The following C6orf132 variants were observed in gnomAD, a reference collection of about 807,000 sequenced individuals.
The protein encoded by C6orf132 is uncharacterized protein C6orf132.
A neutral mutation model predicts 65.3 loss-of-function variants in C6orf132; 43 were observed. That is an observed-to-expected ratio of 0.66 (90% CI 0.52 to 0.85). C6orf132 has a LOEUF of 0.85. Ranked by LOEUF, C6orf132 falls within the 40% of genes least tolerant of loss-of-function variation. C6orf132 has a pLI of 0.00. For synonymous variants in C6orf132, 631 were observed against 654.1 expected (o/e 0.96, Z 0.54); for missense variants, 1,488 against 1,548.8 (o/e 0.96, Z 0.66).
chr6:42,116,353 C>T (rs1225344268), intron 2 of C6orf132, among the ~76,000 whole-genome samples: 1 of 152,126 alleles, frequency 6.6e-6, no homozygotes, highest in Non-Finnish European at 1.5e-5. Context: ...CAGTGACATG[C>T]CCAAGGTCCC....
intron 1 of C6orf132, among the ~76,000 whole-genome samples, chr6:42,132,873 AGAAAAG>A (rs1766876145): frequency 6.7e-6 from 1 of 150,140 alleles, no homozygotes; most frequent in African/African-American, 2.5e-5. Flanking sequence ...AAAAAAGAAA[AGAAAAG>A]AAAAGAAAAG....
At chr6:42,138,187 C>T (rs767261431) in intron 1 of C6orf132, among the ~76,000 whole-genome samples, 9 of 152,192 alleles carry the variant, frequency 5.9e-5, no homozygotes, top group Non-Finnish European at 1.0e-4. Flanking sequence ...TGCTCTGTCA[C>T]CCAGGCTGGA....
At chr6:42,125,493 TGCCTTTCCCCGGTTA>T (rs1766749950) in intron 2 of C6orf132, among the ~76,000 whole-genome samples, 1 of 152,190 alleles carries the variant, frequency 6.6e-6, no homozygotes, top group Non-Finnish European at 1.5e-5. Context: ...TGGCTCCATC[TGCCTTTCCCCGGTTA>T]GCCAGCACCG....
chr6:42,117,682 G>T (rs1032071963), intron 2 of C6orf132, among the ~76,000 whole-genome samples: 1 of 152,096 alleles, frequency 6.6e-6, no homozygotes, highest in Non-Finnish European at 1.5e-5. Flanking sequence ...AGCACTTTGG[G>T]AGCCCAAGGT....
In C6orf132 at chr6:42,103,528, A is replaced by AC; in HGVS notation, c.*232dup. 4.9e-6 allele frequency: 1 copy of AC among 202,320 alleles called. No individual in the cohort carries two copies. The highest frequency in any genetic ancestry group is 8.8e-6 in the Non-Finnish European group (1 of 113,130). 12.5% of individuals were successfully genotyped at this position (202,320 alleles called of 1,614,324 possible). A position where few individuals can be genotyped will look rare whatever the true frequency, so the allele number is the denominator to read the frequency against. ...TTCTCTCTACCCTCCTTCCCCTCCC[A>AC]CCCCCCACGTGTAAACAGTCCACAG... On this transcript the variant is annotated 3_prime_UTR_variant, in exon 5 of 5. Transcript: ENST00000341865.
Position 42,124,920 on chromosome 6 carries a change from G to A in C6orf132, c.252+3752C>T, listed in dbSNP as rs1180049380. On this transcript the variant is annotated intron_variant, in intron 2 of 4. Transcript: ENST00000341865. The surrounding 1 kb of genome is among the most constrained non-coding windows in gnomAD (Gnocchi z 4.0). ...TCTTGTGACCTGAGTGAGGAGCACA[G>A]AAGAGTCCCTGTGATGTGGGCCACT... 6.6e-6 allele frequency among the ~76,000 whole-genome samples: 1 copy of A among 152,242 alleles called. No individual in the cohort carries two copies. The highest frequency in any genetic ancestry group is 1.5e-5 in the Non-Finnish European group (1 of 68,044).
In C6orf132 at chr6:42,104,985, TCCTC is replaced by T; in HGVS notation, c.2923_2926del (p.Glu975ArgfsTer45). On this transcript the variant is annotated frameshift_variant, in exon 4 of 5. Coordinates refer to ENST00000341865, the MANE Select transcript of C6orf132 (RefSeq NM_001164446.3). LOFTEE classifies it high-confidence loss of function. This position sits in a 1 kb window ranked among gnomAD's most constrained non-coding sequence, Gnocchi z 4.1. ...CTCGAAGTTGAACTCCTCCTCCTCC[TCCTC>T]CCTCTTGTTCGAAGGAGAAGGTGGG... is the stretch of plus-strand genomic sequence containing the variant. 1 of 1,500,416 alleles carries T rather than the reference TCCTC, an allele frequency of 6.7e-7. No individual in the cohort carries two copies. The highest frequency in any genetic ancestry group is 2.2e-5 in the Admixed American group (1 of 45,546). The allele number at this position is 1,500,416 out of a possible 1,614,324, so 92.9% of individuals were successfully genotyped here.
At chr6:42,132,743 G>T (rs1239413631) in intron 1 of C6orf132, among the ~76,000 whole-genome samples, 3 of 151,338 alleles carry the variant, frequency 2.0e-5, no homozygotes, top group Admixed American at 2.0e-4. Context: ...AGCTACTCAG[G>T]ATACTCAGGA....
intron 2 of C6orf132, among the ~76,000 whole-genome samples, chr6:42,120,180 G>A (rs749976598): frequency 1.5e-4 from 23 of 151,822 alleles, no homozygotes; most frequent in Non-Finnish European, 2.6e-4. Context: ...AGGAAGCATG[G>A]GTGGAGGAAA....
rs145787943 is a variant in C6orf132 at position 42,104,266 on chromosome 6, AAGGGAGGTCAGG to A, written c.3449+185_3449+196del. Reference sequence around the variant, plus strand: ...ACGAGAGGAGCTGGTGGGGAAAGAGAAGGGAGGTCAGGAGGGAGGTCAGGAAGGCGCCAACAG... The same window carrying A: ...ACGAGAGGAGCTGGTGGGGAAAGAGAAGGGAGGTCAGGAAGGCGCCAACAG... On this transcript the variant is annotated intron_variant, in intron 4 of 4. Transcript: ENST00000341865. This position sits in a 1 kb window ranked among gnomAD's most constrained non-coding sequence, Gnocchi z 4.1. 0.027 allele frequency among the ~76,000 whole-genome samples: 4,008 copies of A among 147,788 alleles called. 58 individuals are homozygous for A. Among genetic ancestry groups the A allele is most frequent in the Middle Eastern group, 0.068 (20 of 294 alleles).
At chr6:42,120,052 C>T (rs1352338811) in intron 2 of C6orf132, among the ~76,000 whole-genome samples, 3 of 151,624 alleles carry the variant, frequency 2.0e-5, no homozygotes, top group African/African-American at 7.3e-5. Flanking sequence ...CAAGATCATG[C>T]CATTGCACCC....
chr6:42,139,950 A>G (rs1767007298), intron 1 of C6orf132, among the ~76,000 whole-genome samples: 2 of 152,314 alleles, frequency 1.3e-5, no homozygotes, highest in Middle Eastern at 3.4e-3. Flanking sequence ...CTATGTATTG[A>G]CAGAGACAGG....
At chr6:42,115,244 C>T (rs1200342795) in intron 2 of C6orf132, among the ~76,000 whole-genome samples, 26 of 127,058 alleles carry the variant, frequency 2.0e-4, no homozygotes, top group Admixed American at 9.7e-4. Flanking sequence ...GAGCCAAGAT[C>T]GCACCATTGC....
intron 3 of C6orf132, among the ~76,000 whole-genome samples, chr6:42,108,804 C>G (rs557825247): frequency 1.3e-5 from 2 of 152,114 alleles, no homozygotes; most frequent in African/African-American, 2.4e-5. Flanking sequence ...ATCCTTTGCT[C>G]CCCTCCTCTC....
At chr6:42,142,220 C>T in intron 1 of C6orf132, 80 bp downstream of exon 1, 1 of 1,453,840 alleles carries the variant, frequency 6.9e-7, no homozygotes, top group Non-Finnish European at 9.2e-7. Context: ...CCCCTCCGCG[C>T]CTCCAGGAGA....
rs764467174 is a variant in C6orf132, at chr6:42,105,380, C to G, written c.2532G>C (p.Ala844=). Residue 844 remains alanine (A), a synonymous_variant, in exon 4 of 5, where the codon GCG becomes GCC. Transcript: ENST00000341865. ...TTCCCTTCTGAGCCCTCTGCCTGGC[C>G]GCCAGGAGCAGGGCCATCGGCGAGC... The part of the protein sequence containing the change: ...ERGSPMALLL[A]ARQRAQKGRS... 1 of 1,536,050 alleles carries G rather than the reference C, an allele frequency of 6.5e-7. No individual in the cohort carries two copies.
rs1766345100 is a variant in C6orf132 at position 42,104,224 on chromosome 6, G to A, written c.3449+239C>T. On this transcript the variant is annotated intron_variant, in intron 4 of 4. Transcript: ENST00000341865. The surrounding 1 kb of genome is among the most constrained non-coding windows in gnomAD (Gnocchi z 4.1). ...CTTAGCCTGACCTCTGGGATCTAGCGGGCAGGAGAGAGACAGACGAGAGGA... is the reference window on the plus strand; with the variant it reads ...CTTAGCCTGACCTCTGGGATCTAGCAGGCAGGAGAGAGACAGACGAGAGGA... Among the ~76,000 whole-genome samples the A allele has an allele frequency of 6.6e-6, 1 of 151,964 alleles. No individual in the cohort carries two copies.
chr6:42,106,611 GGGGTTTTTGTAA>G lies in C6orf132; in HGVS notation c.1289_1300del (p.Phe430_Pro434delinsSer). 2 of 1,535,492 alleles carry G rather than the reference GGGGTTTTTGTAA, an allele frequency of 1.3e-6. No homozygotes were observed. The highest frequency in any genetic ancestry group is 1.7e-6 in the Non-Finnish European group (2 of 1,146,734). ...TTTGAGAGCAGGAGAGCTGGATTTA[GGGGTTTTTGTAA>G]ACCCAGCAGGTGGATGGGCTGCCTT... On this transcript the variant is annotated inframe_deletion, in exon 4 of 5. Coordinates refer to ENST00000341865, the MANE Select transcript of C6orf132 (RefSeq NM_001164446.3).
At chr6:42,110,144 T>A in intron 3 of C6orf132, 72 bp downstream of exon 3, 2 of 1,253,950 alleles carry the variant, frequency 1.6e-6, no homozygotes, top group Non-Finnish European at 2.2e-6. Context: ...GATGAGCAGA[T>A]GCTTAGCTTT....
Sources: gnomAD v4.1 joint callset for allele counts (sites outside exome capture counted in the v4.1 genomes callset) on GRCh38, gnomAD v4.1.1 for gene constraint, Gnocchi (gnomAD v3.1) non-coding constraint, MANE v1.5 for transcripts, NCBI Gene and HGNC (gene_info 2026-07-23, HGNC 2026-07-21) for gene names.